The following FHIT variants were observed in gnomAD, a reference collection of about 807,000 sequenced individuals.
FHIT encodes the protein fragile histidine triad diadenosine triphosphatase.
Under a neutral mutation model 17.9 loss-of-function variants are expected in FHIT, and 19 were observed. The ratio of observed to expected loss-of-function variants is 1.06; its 90% confidence interval spans 0.74 to 1.56. The LOEUF is 1.56. Ranked by LOEUF, FHIT falls within the 40% of genes most tolerant of loss-of-function variation. The pLI is 0.00. For synonymous variants in FHIT, 81 were observed against 69.7 expected (o/e 1.16, Z -0.81); for missense variants, 248 against 189.2 (o/e 1.31, Z -1.82).
At chr3:60,017,465 C>A (rs1274119723) in intron 5 of FHIT, among the ~76,000 whole-genome samples, 2 of 152,222 alleles carry the variant, frequency 1.3e-5, no homozygotes, top group Non-Finnish European at 2.9e-5. Context: ...TGGGCTCCAT[C>A]ATGGGCCAGA....
At chr3:60,871,176 TC>T (rs1704400839) in intron 3 of FHIT, among the ~76,000 whole-genome samples, 1 of 152,126 alleles carries the variant, frequency 6.6e-6, no homozygotes, top group South Asian at 2.1e-4. Flanking sequence ...TTTTGTATCT[TC>T]CTTTTTCTCG....
intron 5 of FHIT, among the ~76,000 whole-genome samples, chr3:60,026,762 G>A (rs569783805): frequency 6.9e-4 from 105 of 152,090 alleles, no homozygotes; most frequent in Non-Finnish European, 1.3e-3. Flanking sequence ...TTCAAGCTAT[G>A]TTTAGACAGC....
intron 5 of FHIT, among the ~76,000 whole-genome samples, chr3:60,342,490 TAC>T (rs1444438418): frequency 4.6e-5 from 7 of 152,244 alleles, no homozygotes; most frequent in Admixed American, 4.6e-4. Context: ...TGTTTAAATA[TAC>T]AGTTTGTGTC....
intron 4 of FHIT, among the ~76,000 whole-genome samples, chr3:60,624,893 TAG>T (rs2039239299): frequency 7.3e-6 from 1 of 136,106 alleles, no homozygotes. Context: ...GGCTTGTTTC[TAG>T]TTTTTTTTTT....
intron 5 of FHIT, among the ~76,000 whole-genome samples, chr3:60,335,030 A>C (rs1190570616): frequency 6.6e-6 from 1 of 152,248 alleles, no homozygotes; most frequent in African/African-American, 2.4e-5. Context: ...GGACAAAATT[A>C]TGTAATAGTG....
intron 3 of FHIT, among the ~76,000 whole-genome samples, chr3:61,040,118 C>A (rs1338794250): frequency 6.6e-6 from 1 of 152,154 alleles, no homozygotes; most frequent in Non-Finnish European, 1.5e-5. Flanking sequence ...ACCTTACTCT[C>A]CCCTTTAAAT....
intron 7 of FHIT, among the ~76,000 whole-genome samples, chr3:60,003,782 G>C (rs534881044): frequency 6.6e-6 from 1 of 151,464 alleles, no homozygotes; most frequent in African/African-American, 2.4e-5. Context: ...CATCTACTGA[G>C]GTTGAATTGG....
At chr3:60,065,200 T>G (rs1269503157) in intron 5 of FHIT, among the ~76,000 whole-genome samples, 1 of 152,170 alleles carries the variant, frequency 6.6e-6, no homozygotes, top group Non-Finnish European at 1.5e-5. Context: ...TACAGCCAGG[T>G]TGAAGAAGAC....
At chr3:60,258,161 A>G (rs553715136) in intron 5 of FHIT, among the ~76,000 whole-genome samples, 1 of 151,974 alleles carries the variant, frequency 6.6e-6, no homozygotes, top group South Asian at 2.1e-4. Flanking sequence ...GAAAAATAAT[A>G]TTGCCACCTC....
At chr3:60,875,803 C>T (rs898424430) in intron 3 of FHIT, among the ~76,000 whole-genome samples, 3 of 151,888 alleles carry the variant, frequency 2.0e-5, no homozygotes, top group Non-Finnish European at 4.4e-5. Flanking sequence ...AGAAGTTAAG[C>T]AAATGGCCAA....
chr3:61,048,060 C>T (rs1575912100), intron 2 of FHIT, among the ~76,000 whole-genome samples: 1 of 151,564 alleles, frequency 6.6e-6, no homozygotes, highest in East Asian at 1.9e-4. Flanking sequence ...AGGACATAGG[C>T]ATGGGCAAGG....
chr3:60,266,387 C>T lies in FHIT; in HGVS notation c.104-252235G>A, dbSNP rs535395060. On this transcript the variant is annotated intron_variant, in intron 5 of 9. Transcript: ENST00000492590. ...AAAATGGAATCATAATGCCCAGGGC[C>T]GCGGAGGGGGCTTCATGAGAAACAG... 2.6e-5 allele frequency among the ~76,000 whole-genome samples: 4 copies of T among 151,936 alleles called. 1 individual carries two copies. The highest frequency in any genetic ancestry group is 9.6e-5 in the African/African-American group (4 of 41,472).
intron 8 of FHIT, among the ~76,000 whole-genome samples, chr3:59,840,905 G>GGT (rs1701511039): frequency 6.6e-6 from 1 of 152,024 alleles, no homozygotes; most frequent in Non-Finnish European, 1.5e-5. Context: ...GACATAGCAG[G>GGT]GTGTACATCA....
At chr3:60,921,782 C>A (rs1553768427) in intron 3 of FHIT, among the ~76,000 whole-genome samples, 1 of 152,128 alleles carries the variant, frequency 6.6e-6, no homozygotes, top group Admixed American at 6.5e-5. Flanking sequence ...TGAAACAGAC[C>A]CAACAAGCCA....
At chr3:60,449,140 T>C (rs926211807) in intron 5 of FHIT, among the ~76,000 whole-genome samples, 1 of 152,160 alleles carries the variant, frequency 6.6e-6, no homozygotes, top group Admixed American at 6.5e-5. Flanking sequence ...AGACCAAGTA[T>C]CTTTGAGAGG....
At chr3:60,122,840 C>A (rs1705322031) in intron 5 of FHIT, among the ~76,000 whole-genome samples, 1 of 152,144 alleles carries the variant, frequency 6.6e-6, no homozygotes, top group South Asian at 2.1e-4. Flanking sequence ...CAAATTTACT[C>A]AAGTGATTTT....
At chr3:59,875,469 G>C (rs1241023438) in intron 8 of FHIT, among the ~76,000 whole-genome samples, 1 of 152,116 alleles carries the variant, frequency 6.6e-6, no homozygotes, top group African/African-American at 2.4e-5. Context: ...GCTCTCTCTG[G>C]GTCTATAATC....
chr3:60,030,013 C>T (rs747202251), intron 5 of FHIT, among the ~76,000 whole-genome samples: 45 of 151,770 alleles, frequency 3.0e-4, no homozygotes, highest in Middle Eastern at 3.2e-3. Flanking sequence ...TACATGAGAA[C>T]GCTCCCGTCA....
intron 2 of FHIT, among the ~76,000 whole-genome samples, chr3:61,048,146 G>C (rs1364874883): frequency 6.6e-6 from 1 of 152,034 alleles, no homozygotes; most frequent in Non-Finnish European, 1.5e-5. Flanking sequence ...AAACTCAAGA[G>C]CTTCTGCACA....
Sources: allele counts gnomAD v4.1 joint callset (sites outside exome capture counted in the v4.1 genomes callset), GRCh38; gene constraint gnomAD v4.1.1; transcripts MANE v1.5; gene names NCBI Gene and HGNC (gene_info 2026-07-23, HGNC 2026-07-21).